SEC11A: variants seen among roughly 807,000 people sequenced by gnomAD.
The protein encoded by SEC11A is SEC11 homolog A, signal peptidase complex subunit.
A neutral mutation model predicts 25.6 loss-of-function variants in SEC11A; 14 were observed. The observed-to-expected ratio is 0.55, with a 90% confidence interval of 0.36 to 0.85. The LOEUF is 0.85. Ranked by LOEUF, SEC11A falls within the 40% of genes least tolerant of loss-of-function variation. The pLI is 0.01. For missense variants in SEC11A, 153 were observed against 222.9 expected (o/e 0.69, Z 2.00); for synonymous variants, 83 against 76.4 (o/e 1.09, Z -0.45).
Position 84,710,940 on chromosome 15 carries a change from C to T in SEC11A, c.51+5085G>A, listed in dbSNP as rs368465897. On this transcript the variant is annotated intron_variant, in intron 1 of 5. Coordinates refer to ENST00000268220, the MANE Select transcript of SEC11A (RefSeq NM_014300.4). ...TACAAAAAATTAGCGTGTGATCACA[C>T]GCACCTATAGTCCCAGCTACTTGGG... Among the ~76,000 whole-genome samples the T allele has an allele frequency of 1.3e-4, 19 of 151,798 alleles. No homozygotes were observed. In the East Asian group the frequency reaches 2.3e-3, roughly 19 times the overall value.
rs1302215982 is a variant in SEC11A at position 84,681,259 on chromosome 15, G to GC, written c.312-428_312-427insG. On this transcript the variant is annotated intron_variant, in intron 3 of 5. Coordinates refer to ENST00000268220, the MANE Select transcript of SEC11A (RefSeq NM_014300.4). ...ATAATTGGCAAGATACAGACTATGG[G>GC]AAACTACAGAATAACCCAGTTTCTC... 4.0e-3 allele frequency among the ~76,000 whole-genome samples: 604 copies of GC among 152,306 alleles called. 1 individual carries two copies. Among genetic ancestry groups the GC allele is most frequent in the African/African-American group, 0.014 (574 of 41,558 alleles).
chr15:84,675,094 A>G (rs1353507174), intron 4 of SEC11A, among the ~76,000 whole-genome samples: 2 of 152,206 alleles, frequency 1.3e-5, no homozygotes, highest in Non-Finnish European at 2.9e-5. Flanking sequence ...CTTAAATTCA[A>G]ACCATTTGCA....
At chr15:84,705,262 CT>C (rs1187306629) in intron 1 of SEC11A, among the ~76,000 whole-genome samples, 1 of 152,128 alleles carries the variant, frequency 6.6e-6, no homozygotes, top group Non-Finnish European at 1.5e-5. Context: ...AGTTTAGCAT[CT>C]TTTAGTAGTT....
chr15:84,713,018 C>A (rs1295206478), intron 1 of SEC11A, among the ~76,000 whole-genome samples: 3 of 151,868 alleles, frequency 2.0e-5, no homozygotes, highest in Non-Finnish European at 4.4e-5. Flanking sequence ...CATGGTGAAA[C>A]CCTGTCTCTA....
intron 5 of SEC11A, chr15:84,670,393 T>C: frequency 3.7e-6 from 1 of 268,788 alleles, no homozygotes; most frequent in East Asian, 9.0e-5. Flanking sequence ...TGTACCACCA[T>C]TCCTGGCTAA....
intron 3 of SEC11A, among the ~76,000 whole-genome samples, chr15:84,682,653 G>A (rs1897310911): frequency 6.6e-6 from 1 of 152,010 alleles, no homozygotes. Context: ...GTTTCACCAT[G>A]TTGGCCAGGC....
chr15:84,674,786 C>G (rs998789861), intron 4 of SEC11A, among the ~76,000 whole-genome samples: 2 of 152,128 alleles, frequency 1.3e-5, no homozygotes, highest in African/African-American at 4.8e-5. Flanking sequence ...TCTCAAACTC[C>G]TGGGCTCCAG....
chr15:84,685,075 T>G (rs1171281395), intron 3 of SEC11A, among the ~76,000 whole-genome samples: 6 of 152,268 alleles, frequency 3.9e-5, no homozygotes, highest in Admixed American at 3.9e-4. Flanking sequence ...TGAAGGTATC[T>G]CAAGAGTCTG....
intron 1 of SEC11A, among the ~76,000 whole-genome samples, chr15:84,715,539 T>C (rs1175941844): frequency 6.6e-6 from 1 of 152,126 alleles, no homozygotes; most frequent in Non-Finnish European, 1.5e-5. Context: ...TGCAGCCCGC[T>C]ACGGTTCAGC....
intron 1 of SEC11A, among the ~76,000 whole-genome samples, chr15:84,715,792 A>G (rs191314566): frequency 1.3e-5 from 2 of 152,316 alleles, no homozygotes; most frequent in East Asian, 3.9e-4. Flanking sequence ...GAGGAATGGA[A>G]CGTGAAGACA....
At chr15:84,676,867 G>A (rs192372015) in intron 4 of SEC11A, among the ~76,000 whole-genome samples, 190 of 152,044 alleles carry the variant, frequency 1.2e-3, no homozygotes, top group Middle Eastern at 3.4e-3. Context: ...CAAGGTGGAG[G>A]ACTGCTTGAG....
chr15:84,699,298 G>A (rs8029660), intron 1 of SEC11A, among the ~76,000 whole-genome samples: 78,614 of 138,146 alleles, frequency 0.57, 22,969 homozygotes, highest in East Asian at 0.81. Context: ...CTGGGCAACA[G>A]AGCAAGACTC....
At chr15:84,715,199 T>C (rs1205224150) in intron 1 of SEC11A, among the ~76,000 whole-genome samples, 1 of 151,908 alleles carries the variant, frequency 6.6e-6, no homozygotes, top group Non-Finnish European at 1.5e-5. Context: ...ATCATAACAG[T>C]AAAATACTGT....
intron 4 of SEC11A, chr15:84,679,160 A>C (rs1449534330): frequency 2.0e-5 from 11 of 562,800 alleles, no homozygotes; most frequent in Non-Finnish European, 3.1e-5. Flanking sequence ...TTTCTACATG[A>C]ATCTGTACAT....
chr15:84,670,031 A>C lies in SEC11A; in HGVS notation c.528T>G (p.Val176=). 6.2e-7 allele frequency: 1 copy of C among 1,613,666 alleles called. No homozygotes were observed. The highest frequency in any genetic ancestry group is 8.5e-7 in the Non-Finnish European group (1 of 1,179,734). ...VLFLLGLFVL[V]HRE ...CAAGGCAGGCTTCTTACTCACGATG[A>C]ACCAGCACGAATAAACCCAGCAAAA... Residue 176 remains valine (V), a synonymous_variant, in exon 6 of 6, where the codon GTT becomes GTG. Coordinates refer to ENST00000268220, the MANE Select transcript of SEC11A (RefSeq NM_014300.4).
At chr15:84,708,289 T>C (rs892629904) in intron 1 of SEC11A, among the ~76,000 whole-genome samples, 2 of 151,824 alleles carry the variant, frequency 1.3e-5, no homozygotes, top group African/African-American at 4.8e-5. Flanking sequence ...GTGATGTTCT[T>C]GTGTATGTAA....
Position 84,690,835 on chromosome 15 carries a change from T to C in SEC11A, c.161+700A>G, listed in dbSNP as rs372790090. Reference sequence around the variant, plus strand: ...TTGAGAACATGCTACAGAAAAACTCTTAATTTGTGGAAGTACTATAACATC... The same window carrying C: ...TTGAGAACATGCTACAGAAAAACTCCTAATTTGTGGAAGTACTATAACATC... On this transcript the variant is annotated intron_variant, in intron 2 of 5. Coordinates refer to ENST00000268220, the MANE Select transcript of SEC11A (RefSeq NM_014300.4). Among the ~76,000 whole-genome samples the C allele has an allele frequency of 1.3e-3, 205 of 151,880 alleles. 5 individuals are homozygous for C. In the South Asian group the frequency reaches 0.04, roughly 29 times the overall value.
At chr15:84,686,901 C>T (rs1470399885) in intron 3 of SEC11A, 2 of 152,198 alleles carry the variant, frequency 1.3e-5, no homozygotes, top group Non-Finnish European at 2.9e-5. Flanking sequence ...GAGATGGAGT[C>T]TGGCTCTGTC....
intron 4 of SEC11A, among the ~76,000 whole-genome samples, chr15:84,674,979 A>T (rs1897099026): frequency 6.6e-6 from 1 of 152,246 alleles, no homozygotes; most frequent in African/African-American, 2.4e-5. Context: ...GAGGCAGTTC[A>T]AAGTCAAACA....
Sources: allele counts gnomAD v4.1 joint callset (sites outside exome capture counted in the v4.1 genomes callset), GRCh38; gene constraint gnomAD v4.1.1; transcripts MANE v1.5; gene names NCBI Gene and HGNC (gene_info 2026-07-23, HGNC 2026-07-21).